ELMO1: variants seen among roughly 807,000 people sequenced by gnomAD.
ELMO1 encodes engulfment and cell motility protein 1.
In ELMO1, 26 loss-of-function variants were observed where a neutral mutation model predicts 98.9. The ratio of observed to expected loss-of-function variants is 0.26; its 90% CI spans 0.19 to 0.36. ELMO1 has a LOEUF of 0.36. ELMO1 is among the 10% of genes least tolerant of loss of function. The probability of loss-of-function intolerance (pLI) is 1.00; values close to 1 mark genes in which losing one functional copy is unlikely to be tolerated. For missense variants in ELMO1, 627 were observed against 935.2 expected, an observed-to-expected ratio of 0.67 and a Z score of 4.30; for synonymous variants, 346 against 346.0, an observed-to-expected ratio of 1.00 and a Z score of 0.00.
At chr7:36,952,192 C>T (rs1382341474) in intron 16 of ELMO1, among the ~76,000 whole-genome samples, 3 of 152,188 alleles carry the variant, frequency 2.0e-5, no homozygotes, top group Admixed American at 1.3e-4. Context: ...CAGTGTGGAA[C>T]ATGCATCCTG....
intron 1 of ELMO1, among the ~76,000 whole-genome samples, chr7:37,412,915 TCCAGCCTTCAGATGA>T (rs1804052619): frequency 1.3e-5 from 2 of 152,162 alleles, no homozygotes; most frequent in South Asian, 4.1e-4. Context: ...CCAGCCCCAG[TCCAGCCTTCAGATGA>T]CTGCAGCCCC....
intron 16 of ELMO1, among the ~76,000 whole-genome samples, chr7:36,944,131 A>G (rs1006525487): frequency 1.3e-5 from 2 of 152,166 alleles, no homozygotes; most frequent in Non-Finnish European, 1.5e-5. Flanking sequence ...ACATAGATTA[A>G]CTATTCCTCA....
In ELMO1 at chr7:37,014,561, C is replaced by G. The variant is rs547212733; in HGVS notation, c.1301-1126G>C. Among the ~76,000 whole-genome samples the G allele has an allele frequency of 9.9e-5, 15 of 152,208 alleles. No individual in the cohort carries two copies. In the Middle Eastern group the frequency reaches 0.017, roughly 173 times the overall value. Reference sequence around the variant, plus strand: ...AGGCTTTTAAACAGCAGCACATCAACCCATCACCTACGTTTTAAGCCCCAC... The same window carrying G: ...AGGCTTTTAAACAGCAGCACATCAAGCCATCACCTACGTTTTAAGCCCCAC... On this transcript the variant is annotated intron_variant, in intron 15 of 21. Transcript: ENST00000310758.
rs1800750366 is a variant in ELMO1 at position 37,342,089 on chromosome 7, G to T, written c.78+524C>A. Reference sequence around the variant, plus strand: ...TTACTACATGGCAGACAATATGCTAGACACATTGTGAATTTTACACTAAAA... The same window carrying T: ...TTACTACATGGCAGACAATATGCTATACACATTGTGAATTTTACACTAAAA... On this transcript the variant is annotated intron_variant, in intron 2 of 21. Coordinates refer to ENST00000310758, the MANE Select transcript of ELMO1 (RefSeq NM_014800.11). This position sits in a 1 kb window ranked among gnomAD's most constrained non-coding sequence, Gnocchi z 4.3. Among the ~76,000 whole-genome samples the T allele has an allele frequency of 6.6e-6, 1 of 152,110 alleles. No homozygotes were observed. The highest frequency in any genetic ancestry group is 6.5e-5 in the Admixed American group (1 of 15,280).
chr7:37,386,949 T>C (rs1177892369), intron 1 of ELMO1, among the ~76,000 whole-genome samples: 1 of 152,234 alleles, frequency 6.6e-6, no homozygotes, highest in Non-Finnish European at 1.5e-5. Flanking sequence ...TTAATTGGCC[T>C]GGAGCAAGGC....
intron 13 of ELMO1, among the ~76,000 whole-genome samples, chr7:37,171,217 T>C (rs1171094859): frequency 6.6e-6 from 1 of 152,078 alleles, no homozygotes; most frequent in Admixed American, 6.5e-5. Flanking sequence ...TCAATAAATA[T>C]ATTTTAAAAA....
intron 1 of ELMO1, among the ~76,000 whole-genome samples, chr7:37,414,722 A>C (rs532687113): frequency 6.6e-6 from 1 of 152,332 alleles, no homozygotes; most frequent in East Asian, 1.9e-4. Flanking sequence ...TTATTGTTTA[A>C]GCCAGTCGGC....
chr7:37,106,485 A>C (rs534588323), intron 14 of ELMO1, among the ~76,000 whole-genome samples: 1 of 152,250 alleles, frequency 6.6e-6, no homozygotes, highest in East Asian at 1.9e-4. Flanking sequence ...CTTACCAGAC[A>C]CCAAGCCCGC....
chr7:37,032,506 C>T (rs181451629), intron 15 of ELMO1, among the ~76,000 whole-genome samples: 44 of 152,306 alleles, frequency 2.9e-4, no homozygotes, highest in Admixed American at 2.7e-3. Context: ...TGTCCCTCTG[C>T]AGGGCTGGCA....
chr7:37,106,892 T>C (rs189874257), intron 14 of ELMO1, among the ~76,000 whole-genome samples: 604 of 152,320 alleles, frequency 4.0e-3, no homozygotes, highest in Non-Finnish European at 6.8e-3. Flanking sequence ...GAGACCTTGT[T>C]AAAATGAAGA....
At chr7:37,429,032 G>A (rs1259771327) in intron 1 of ELMO1, among the ~76,000 whole-genome samples, 1 of 124,250 alleles carries the variant, frequency 8.0e-6, no homozygotes, top group Non-Finnish European at 1.9e-5. Flanking sequence ...TGTTGTTGTT[G>A]TTGTTGTTGT....
At chr7:37,259,438 CA>C in intron 5 of ELMO1, 88 bp from the exon 6 acceptor site, 1 of 1,442,720 alleles carries the variant, frequency 6.9e-7, no homozygotes, top group Non-Finnish European at 9.5e-7. Context: ...AACAGAGATA[CA>C]AAAGCCAAAA....
chr7:37,142,383 T>C (rs1787698312), intron 13 of ELMO1, among the ~76,000 whole-genome samples: 1 of 152,246 alleles, frequency 6.6e-6, no homozygotes, highest in Non-Finnish European at 1.5e-5. Flanking sequence ...GTGTTAGCAC[T>C]ATTTTGTACT....
At chr7:37,432,702 C>G (rs1319320361) in intron 1 of ELMO1, among the ~76,000 whole-genome samples, 1 of 152,174 alleles carries the variant, frequency 6.6e-6, no homozygotes, top group Non-Finnish European at 1.5e-5. Context: ...ATCCCAACCC[C>G]CAATGTGTAT....
chr7:36,939,200 A>T (rs1183607369), intron 16 of ELMO1, among the ~76,000 whole-genome samples: 4 of 150,304 alleles, frequency 2.7e-5, no homozygotes, highest in Non-Finnish European at 5.9e-5. Flanking sequence ...TAGCCACAGC[A>T]TACAAAGGCC....
chr7:36,953,416 G>A (rs1031662777), intron 16 of ELMO1, among the ~76,000 whole-genome samples: 6 of 152,086 alleles, frequency 3.9e-5, no homozygotes, highest in East Asian at 1.9e-4. Flanking sequence ...TGTTTATTAC[G>A]CAAGTATGTT....
chr7:37,220,426 G>A (rs1210531258), intron 10 of ELMO1, among the ~76,000 whole-genome samples: 3 of 152,020 alleles, frequency 2.0e-5, no homozygotes, highest in Non-Finnish European at 2.9e-5. Flanking sequence ...TTTCTTAAAT[G>A]GTTTAAGGTT....
intron 1 of ELMO1, among the ~76,000 whole-genome samples, chr7:37,357,010 T>G (rs1204706152): frequency 4.6e-5 from 7 of 152,118 alleles, no homozygotes; most frequent in Admixed American, 4.6e-4. Context: ...GAGGAAGACA[T>G]GCTACACAGA....
chr7:37,114,087 T>C (rs939015347), intron 14 of ELMO1, among the ~76,000 whole-genome samples: 2 of 152,228 alleles, frequency 1.3e-5, no homozygotes, highest in African/African-American at 2.4e-5. Flanking sequence ...TGCAGAGCCT[T>C]GAGAGCTGTG....
Sources: gnomAD v4.1 joint callset for allele counts (sites outside exome capture counted in the v4.1 genomes callset) on GRCh38, gnomAD v4.1.1 for gene constraint, Gnocchi (gnomAD v3.1) non-coding constraint, MANE v1.5 for transcripts, NCBI Gene and HGNC (gene_info 2026-07-23, HGNC 2026-07-21) for gene names.